The following RPN2 variants were observed in gnomAD, a reference collection of about 807,000 sequenced individuals.
The protein encoded by RPN2 is dolichyl-diphosphooligosaccharide--protein glycosyltransferase subunit 2.
RPN2 carries 29 observed loss-of-function variants against 71.4 expected under a neutral mutation model. The ratio of observed to expected loss-of-function variants is 0.41; its 90% confidence interval spans 0.30 to 0.55. RPN2 has a LOEUF of 0.55. Ranked by LOEUF, RPN2 falls within the 20% of genes least tolerant of loss-of-function variation. The probability of loss-of-function intolerance (pLI) is 0.35; values close to 1 mark genes in which losing one functional copy is unlikely to be tolerated. For missense variants in RPN2, 726 were observed against 774.1 expected, an observed-to-expected ratio of 0.94 and a Z score of 0.74; for synonymous variants, 308 against 305.0, an observed-to-expected ratio of 1.01 and a Z score of -0.10.
intron 16 of RPN2, among the ~76,000 whole-genome samples, chr20:37,237,588 G>A (rs1016163): frequency 0.77 from 117,400 of 151,960 alleles, 45,803 homozygotes; most frequent in Middle Eastern, 0.9. Flanking sequence ...TCTCATCTCC[G>A]CCCGAGTCTC....
chr20:37,208,267 TAA>T (rs33943502), intron 7 of RPN2, among the ~76,000 whole-genome samples: 6,589 of 141,464 alleles, frequency 0.047, 211 homozygotes, highest in African/African-American at 0.087. Flanking sequence ...AGACCCTGTC[TAA>T]AAAAAAAAAA....
intron 16 of RPN2, chr20:37,238,514 A>G: frequency 4.5e-6 from 5 of 1,120,276 alleles, no homozygotes; most frequent in East Asian, 2.5e-5. Context: ...CGCCTCATGC[A>G]TGTCAGTTAT....
intron 11 of RPN2, among the ~76,000 whole-genome samples, chr20:37,226,577 G>A (rs185863677): frequency 1.3e-5 from 2 of 152,244 alleles, no homozygotes; most frequent in Admixed American, 6.5e-5. Context: ...TTCAAAAGAA[G>A]ACCCAAAGCA....
chr20:37,227,200 C>T (rs952714359), intron 11 of RPN2, among the ~76,000 whole-genome samples: 2 of 152,204 alleles, frequency 1.3e-5, no homozygotes, highest in Middle Eastern at 3.2e-3. Flanking sequence ...TAGCATTTCC[C>T]AGCTTCTTCC....
In RPN2 at chr20:37,223,890, A is replaced by T. The variant is rs138101348; in HGVS notation, c.1105A>T (p.Ile369Phe). ...TATTTTCCTCTAGCTCAGAGTCAAGATCTCCACTGAAGTTGGCATCACAAA... is the reference window on the plus strand; with the variant it reads ...TATTTTCCTCTAGCTCAGAGTCAAGTTCTCCACTGAAGTTGGCATCACAAA... ...IANTVELRVKISTEVGITNVD... is the reference protein window; with the variant it reads ...IANTVELRVKFSTEVGITNVD... Residue 369 changes from isoleucine to phenylalanine, a missense_variant, in exon 10 of 17, where the codon ATC (isoleucine) becomes TTC (phenylalanine). Physicochemically the swap from Ile to Phe is conservative, Grantham distance 21. Transcript: ENST00000237530. 1.9e-6 allele frequency: 3 copies of T among 1,614,090 alleles called. No homozygotes were observed. Among genetic ancestry groups the T allele is most frequent in the African/African-American group, 2.7e-5 (2 of 75,050 alleles).
rs779712117 is a variant in RPN2, at chr20:37,204,888, C to T, written c.677C>T (p.Pro226Leu). The part of the protein sequence containing the change: ...YKLMDHVGTE[P>L]SIKEDQVIQL... ...CTCATGGATCATGTGGGGACTGAGCCATCCATTAAGGAGGTACCTATCTAA... is the reference window on the plus strand; with the variant it reads ...CTCATGGATCATGTGGGGACTGAGCTATCCATTAAGGAGGTACCTATCTAA... The change falls in exon 6 of 17, where the codon CCA becomes CTA. Residue 226 changes from proline to leucine, a missense_variant. Pro to Leu is a moderately conservative substitution (Grantham distance 98, BLOSUM62 -3). Transcript: ENST00000237530. 2 of 1,614,120 alleles carry T rather than the reference C, an allele frequency of 1.2e-6. No homozygotes were observed. Among genetic ancestry groups the T allele is most frequent in the Non-Finnish European group, 1.7e-6 (2 of 1,180,012 alleles).
chr20:37,193,941 A>G (rs2067201065), intron 2 of RPN2, among the ~76,000 whole-genome samples: 1 of 152,108 alleles, frequency 6.6e-6, no homozygotes, highest in South Asian at 2.1e-4. Flanking sequence ...CAGGCCTAGG[A>G]GCTGAGAAAC....
intron 2 of RPN2, among the ~76,000 whole-genome samples, chr20:37,185,319 TA>T (rs1449498470): frequency 2.6e-5 from 4 of 152,050 alleles, no homozygotes; most frequent in Non-Finnish European, 5.9e-5. Context: ...ATTTTTTCGT[TA>T]GAGATGGGGT....
intron 2 of RPN2, among the ~76,000 whole-genome samples, chr20:37,196,455 G>T (rs1214506744): frequency 6.6e-6 from 1 of 152,020 alleles, no homozygotes. Context: ...GGATGGTCTC[G>T]ATCTCCTGAC....
chr20:37,224,730 A>C (rs1051629096), intron 10 of RPN2, among the ~76,000 whole-genome samples: 1 of 152,180 alleles, frequency 6.6e-6, no homozygotes, highest in Non-Finnish European at 1.5e-5. Flanking sequence ...CCAGACCCCA[A>C]CTTTACTCAA....
At chr20:37,213,975 A>G (rs1331083237) in intron 9 of RPN2, 110 bp downstream of exon 9, 4 of 836,120 alleles carry the variant, frequency 4.8e-6, no homozygotes, top group Middle Eastern at 3.1e-4. Flanking sequence ...CAACCAAGCT[A>G]ATGTGTTTAT....
At chr20:37,239,904 G>T (rs1346154877) in intron 16 of RPN2, among the ~76,000 whole-genome samples, 1 of 152,110 alleles carries the variant, frequency 6.6e-6, no homozygotes, top group Non-Finnish European at 1.5e-5. Context: ...CTTTAAATAA[G>T]TCGATTTCTT....
chr20:37,236,184 C>T (rs1347601496), intron 15 of RPN2, among the ~76,000 whole-genome samples: 3 of 151,960 alleles, frequency 2.0e-5, no homozygotes, highest in Non-Finnish European at 4.4e-5. Context: ...CCTTGACCTC[C>T]CAGGCTCAAG....
At chr20:37,237,825 C>T (rs2068441107) in intron 16 of RPN2, among the ~76,000 whole-genome samples, 1 of 152,174 alleles carries the variant, frequency 6.6e-6, no homozygotes, top group East Asian at 1.9e-4. Flanking sequence ...CCTTGCAGCA[C>T]CTGCCTGGGC....
intron 4 of RPN2, among the ~76,000 whole-genome samples, chr20:37,201,281 C>CTTTTTTT (rs373838278): frequency 9.5e-6 from 1 of 105,126 alleles, no homozygotes; most frequent in Non-Finnish European, 1.8e-5. Flanking sequence ...AGGTCATAAG[C>CTTTTTTT]TTTTTTTTTT....
At chr20:37,206,091 A>G (rs1306179921) in intron 6 of RPN2, among the ~76,000 whole-genome samples, 1 of 152,258 alleles carries the variant, frequency 6.6e-6, no homozygotes, top group Admixed American at 6.5e-5. Context: ...CAGGAACAAG[A>G]GAGCCCTTTT....
In RPN2 at chr20:37,234,035, G is replaced by C. The variant is rs1221047768; in HGVS notation, c.1693G>C (p.Ala565Pro). ...CATCATTCAGTGGATCCGGATTGGT[G>C]CCAATGTCTCCAACTTCACTTTTGC... ...LLFALWIRIG[A>P]NVSNFTFAPS... The change falls in exon 15 of 17, where the codon GCC (alanine) becomes CCC (proline). Residue 565 changes from alanine to proline, a missense_variant. Transcript: ENST00000237530. 6.2e-7 allele frequency: 1 copy of C among 1,614,046 alleles called. No individual in the cohort carries two copies. The highest frequency in any genetic ancestry group is 1.3e-5 in the African/African-American group (1 of 74,906).
In RPN2 at chr20:37,196,275, C is replaced by T. The variant is rs186332310; in HGVS notation, c.208-2122C>T. Among the ~76,000 whole-genome samples the T allele has an allele frequency of 4.9e-3, 745 of 152,162 alleles. 8 individuals carry two copies. The highest frequency in any genetic ancestry group is 0.017 in the African/African-American group (707 of 41,532). On this transcript the variant is annotated intron_variant, in intron 2 of 16. Coordinates refer to ENST00000237530, the MANE Select transcript of RPN2 (RefSeq NM_002951.5). ...ACGGAGTCTCGCTCTGTCGCCCAGG[C>T]TGGAGTGCAGTGGCACGATCTTGGC... is the stretch of plus-strand genomic sequence containing the variant.
intron 1 of RPN2, among the ~76,000 whole-genome samples, chr20:37,183,925 A>T (rs2066940068): frequency 6.6e-6 from 1 of 152,226 alleles, no homozygotes; most frequent in African/African-American, 2.4e-5. Flanking sequence ...GAGGACTTAC[A>T]GACATCTTTC....
Sources: gnomAD v4.1 joint callset for allele counts (sites outside exome capture counted in the v4.1 genomes callset) on GRCh38, gnomAD v4.1.1 for gene constraint, MANE v1.5 for transcripts, NCBI Gene and HGNC (gene_info 2026-07-23, HGNC 2026-07-21) for gene names.